TYW1B: variants seen among roughly 807,000 people sequenced by gnomAD.
TYW1B encodes the protein S-adenosyl-L-methionine-dependent tRNA 4-demethylwyosine synthase TYW1B.
Under a neutral mutation model 86.9 loss-of-function variants are expected in TYW1B, and 73 were observed. That is an observed-to-expected ratio of 0.84 (90% CI 0.70 to 1.02). The LOEUF (loss-of-function observed/expected upper bound fraction) is 1.02, where lower values mean the gene tolerates loss of function less well. Ranked by LOEUF, TYW1B falls within the 50% of genes least tolerant of loss-of-function variation. TYW1B has a pLI of 0.00. For synonymous variants in TYW1B, 248 were observed against 292.8 expected, an observed-to-expected ratio of 0.85 and a Z score of 1.56; for missense variants, 637 against 827.4, an observed-to-expected ratio of 0.77 and a Z score of 2.82.
intron 11 of TYW1B, among the ~76,000 whole-genome samples, chr7:72,652,330 A>G (rs1449923758): frequency 7.9e-6 from 1 of 127,190 alleles, no homozygotes; most frequent in African/African-American, 2.8e-5. Context: ...GTGAGCCGAG[A>G]TTGCACCACT....
Position 72,807,296 on chromosome 7 carries a change from C to G in TYW1B, c.493G>C (p.Gly165Arg), listed in dbSNP as rs563662474. ...MLGVHRVMSR[G>R]EGDCDVVKSK... ...TTAACCACGTCGCAGTCGCCCTCCC[C>G]TCGACTCATCACACGATGCACGCCA... The change falls in exon 5 of 14, where the codon GGG (glycine) becomes CGG (arginine). Residue 165 changes from glycine (G) to arginine (R), a missense_variant. Coordinates refer to ENST00000620995, the MANE Select transcript of TYW1B (RefSeq NM_001145440.3). 3.1e-6 allele frequency: 5 copies of G among 1,614,060 alleles called. No homozygotes were observed. The East Asian group carries it at 1.1e-4, about 36-fold the overall frequency.
chr7:72,690,131 A>G (rs1316326722), intron 11 of TYW1B, among the ~76,000 whole-genome samples: 4 of 152,234 alleles, frequency 2.6e-5, no homozygotes, highest in African/African-American at 9.6e-5. Flanking sequence ...AGGTTTCAAG[A>G]ATGTTAATGC....
rs1415192535 is a variant in TYW1B at position 72,703,009 on chromosome 7, TATATATATATATATATA to T, written c.1371-8204_1371-8188del. Reference sequence around the variant, plus strand: ...ATCTATATATATATATATATATATATATATATATATATATATATTTTTTTTTTTTTTTTGAGATGGAG... The same window carrying T: ...ATCTATATATATATATATATATATATTTTTTTTTTTTTTTTTGAGATGGAG... On this transcript the variant is annotated intron_variant, in intron 10 of 13. Transcript: ENST00000620995. Among the ~76,000 whole-genome samples, 35 of 30,344 alleles carry T rather than the reference TATATATATATATATATA, an allele frequency of 1.2e-3. 1 individual carries two copies. The highest frequency in any genetic ancestry group is 1.9e-3 in the African/African-American group (18 of 9,456). The allele number at this position is 30,344 out of a possible 152,430, so 19.9% of individuals were successfully genotyped here.
chr7:72,580,876 GA>G (rs1811137129), intron 13 of TYW1B, among the ~76,000 whole-genome samples: 1 of 139,784 alleles, frequency 7.2e-6, no homozygotes. Context: ...AAGCTGAACA[GA>G]TGATGGGTGA....
intron 9 of TYW1B, among the ~76,000 whole-genome samples, chr7:72,723,334 C>T (rs557771299): frequency 6.6e-6 from 1 of 152,118 alleles, no homozygotes; most frequent in South Asian, 2.1e-4. Context: ...AGTGGAGATA[C>T]CAGGAATATC....
chr7:72,755,796 A>C (rs1554465886), intron 7 of TYW1B, among the ~76,000 whole-genome samples: 1 of 152,248 alleles, frequency 6.6e-6, no homozygotes. Context: ...CCTGTGGAGC[A>C]GATTGTACTA....
chr7:72,827,509 T>A (rs1268431327), intron 1 of TYW1B, among the ~76,000 whole-genome samples: 5 of 152,066 alleles, frequency 3.3e-5, no homozygotes, highest in African/African-American at 7.2e-5. Flanking sequence ...AAAAACAGAA[T>A]ATAAAACTGT....
chr7:72,678,428 A>G lies in TYW1B; in HGVS notation c.1506+16259T>C, dbSNP rs1585896644. 3.3e-5 allele frequency among the ~76,000 whole-genome samples: 5 copies of G among 152,336 alleles called. No individual in the cohort carries two copies. In the East Asian group the frequency reaches 9.6e-4, roughly 29 times the overall value. On this transcript the variant is annotated intron_variant, in intron 11 of 13. Transcript: ENST00000620995. ...ACAGGCAGAAAGAATGAATTCTAAG[A>G]GTCTAGACAAAGGCAAACAGCCAAT...
chr7:72,627,424 G>A (rs782009808), intron 12 of TYW1B, among the ~76,000 whole-genome samples: 6 of 151,676 alleles, frequency 4.0e-5, no homozygotes, highest in Non-Finnish European at 7.4e-5. Context: ...CTCCAGCCTG[G>A]GTGACAGAGT....
Position 72,603,146 on chromosome 7 carries a change from A to G in TYW1B, c.1785+13526T>C, listed in dbSNP as rs150893234. Among the ~76,000 whole-genome samples, 933 of 151,516 alleles carry G rather than the reference A, an allele frequency of 6.2e-3. 3 individuals carry two copies. The highest frequency in any genetic ancestry group is 0.012 in the African/African-American group (481 of 41,320). Reference sequence around the variant, plus strand: ...GATGGATGGATGGATAGATGGATGGACAGATGGATAGATGATAGAAGATGG... The same window carrying G: ...GATGGATGGATGGATAGATGGATGGGCAGATGGATAGATGATAGAAGATGG... On this transcript the variant is annotated intron_variant, in intron 13 of 13. Coordinates refer to ENST00000620995, the MANE Select transcript of TYW1B (RefSeq NM_001145440.3).
At chr7:72,689,477 C>T (rs1814088288) in intron 11 of TYW1B, among the ~76,000 whole-genome samples, 1 of 152,088 alleles carries the variant, frequency 6.6e-6, no homozygotes, top group Admixed American at 6.6e-5. Context: ...CCTCAGTGTG[C>T]TAAGGACAGA....
At chr7:72,697,334 G>A (rs1452772939) in intron 10 of TYW1B, among the ~76,000 whole-genome samples, 2 of 151,930 alleles carry the variant, frequency 1.3e-5, no homozygotes, top group African/African-American at 4.8e-5. Flanking sequence ...GTCCAATAAG[G>A]AATTCTAGTC....
intron 8 of TYW1B, among the ~76,000 whole-genome samples, chr7:72,731,426 A>G (rs1289807514): frequency 1.2e-4 from 18 of 150,606 alleles, no homozygotes; most frequent in Admixed American, 1.1e-3. Flanking sequence ...CAAGAGAGTA[A>G]GAAAGCAAAA....
chr7:72,738,918 A>ATAAT (rs1452236340), intron 8 of TYW1B, among the ~76,000 whole-genome samples: 3 of 150,210 alleles, frequency 2.0e-5, no homozygotes, highest in Non-Finnish European at 4.5e-5. Flanking sequence ...CAAAAAAAAA[A>ATAAT]AAAAATAATA....
intron 11 of TYW1B, among the ~76,000 whole-genome samples, chr7:72,655,363 T>C (rs1289020632): frequency 1.3e-5 from 2 of 152,032 alleles, no homozygotes; most frequent in Non-Finnish European, 2.9e-5. Context: ...AGAGAGAGAA[T>C]TCACACTGGG....
intron 11 of TYW1B, among the ~76,000 whole-genome samples, chr7:72,651,356 G>A (rs1405751007): frequency 2.0e-5 from 3 of 152,186 alleles, no homozygotes; most frequent in Admixed American, 6.5e-5. Flanking sequence ...AGTGGATCAC[G>A]CCTGTAATCC....
intron 13 of TYW1B, among the ~76,000 whole-genome samples, chr7:72,578,969 A>C (rs1418191782): frequency 1.3e-5 from 2 of 151,912 alleles, no homozygotes; most frequent in African/African-American, 4.8e-5. Flanking sequence ...ATGCTCCTTC[A>C]CCCTCAAACT....
intron 11 of TYW1B, among the ~76,000 whole-genome samples, chr7:72,658,224 C>T (rs1468867011): frequency 6.6e-6 from 1 of 151,518 alleles, no homozygotes; most frequent in Admixed American, 6.6e-5. Flanking sequence ...GCGCTCCAGC[C>T]TGGGTGACAG....
chr7:72,688,717 G>C (rs1554449858), intron 11 of TYW1B, among the ~76,000 whole-genome samples: 1 of 152,050 alleles, frequency 6.6e-6, no homozygotes, highest in African/African-American at 2.4e-5. Context: ...ATCTACCCCG[G>C]TATTCCTTCC....
Sources: allele counts gnomAD v4.1 joint callset (sites outside exome capture counted in the v4.1 genomes callset), GRCh38; gene constraint gnomAD v4.1.1; transcripts MANE v1.5; gene names NCBI Gene and HGNC (gene_info 2026-07-23, HGNC 2026-07-21).